Variants in CHD8 observed in about 807,000 individuals in gnomAD.
CHD8 encodes ATP-dependent chromatin remodeler CHD8.
A neutral mutation model predicts 279.2 loss-of-function variants in CHD8; 31 were observed. The observed-to-expected ratio is 0.11, with a 90% CI of 0.08 to 0.15. The LOEUF (loss-of-function observed/expected upper bound fraction) is 0.15. CHD8 is among the 10% of genes least tolerant of loss of function. The pLI is 1.00. For synonymous variants in CHD8, 1,081 were observed against 1,139.6 expected (o/e 0.95, Z 1.04); for missense variants, 2,146 against 3,230.5 (o/e 0.66, Z 8.14).
chr14:21,446,962 A>AT (rs1890137616), intron 1 of CHD8, among the ~76,000 whole-genome samples: 2 of 152,210 alleles, frequency 1.3e-5, no homozygotes, highest in Admixed American at 1.3e-4. Context: ...CCATTACAGT[A>AT]TTCCCTTGGC....
In CHD8 at chr14:21,393,740, G is replaced by A; in HGVS notation, c.6055C>T (p.Leu2019=). The A allele has an allele frequency of 6.2e-7, 1 of 1,613,942 alleles. No individual in the cohort carries two copies. Among genetic ancestry groups the A allele is most frequent in the Non-Finnish European group, 8.5e-7 (1 of 1,179,866 alleles). ...PEETATQVPS[L]ESLTLKLEHE... is the part of the protein sequence containing the mutation. ...TCTAGCTTTAAAGTCAGACTCTCCA[G>A]ACTGGGGACCTGGGTAGCTGTCTCC... The change falls in exon 32 of 38, where the codon CTG becomes TTG. Residue 2019 remains leucine, a synonymous_variant. Transcript: ENST00000646647.
Position 21,408,769 on chromosome 14 carries a change from G to A in CHD8, c.2421C>T (p.Asn807=). 1.2e-6 allele frequency: 2 copies of A among 1,610,160 alleles called. No individual in the cohort carries two copies. ...ACTGATATTCCCGTAGCTGGTTTCT[G>A]TTTTTATATTCATGTGATAGCTCCA... The part of the protein sequence containing the change: ...KKLELSHEYK[N]RNQLREYQLE... Residue 807 remains asparagine (N), a synonymous_variant, in exon 12 of 38, where the codon AAC becomes AAT. Coordinates refer to ENST00000646647, the MANE Select transcript of CHD8 (RefSeq NM_001170629.2). This position sits in a 1 kb window ranked among gnomAD's most constrained non-coding sequence, Gnocchi z 4.3.
Position 21,403,807 on chromosome 14 carries a change from G to T in CHD8, c.3308-144C>A. Reference sequence around the variant, plus strand: ...ACACACAGAATTTCAGCACAAAAAAGTCTTAAATCGGCTGGGTACGGTGGC... The same window carrying T: ...ACACACAGAATTTCAGCACAAAAAATTCTTAAATCGGCTGGGTACGGTGGC... On this transcript the variant is annotated intron_variant, in intron 16 of 37. Coordinates refer to ENST00000646647, the MANE Select transcript of CHD8 (RefSeq NM_001170629.2). The surrounding 1 kb of genome is among the most constrained non-coding windows in gnomAD (Gnocchi z 4.3). 1 of 765,774 alleles carries T rather than the reference G, an allele frequency of 1.3e-6. No individual in the cohort carries two copies. Among genetic ancestry groups the T allele is most frequent in the Non-Finnish European group, 2.1e-6 (1 of 477,376 alleles). 47.4% of individuals were successfully genotyped at this position (765,774 alleles called of 1,614,324 possible).
chr14:21,417,485 G>T (rs1001816883), intron 5 of CHD8, among the ~76,000 whole-genome samples: 8 of 152,268 alleles, frequency 5.3e-5, no homozygotes, highest in Middle Eastern at 3.4e-3. Flanking sequence ...GGAGACTGAG[G>T]TGGCAGGATC....
intron 1 of CHD8, among the ~76,000 whole-genome samples, chr14:21,444,704 T>A (rs7149281): frequency 0.15 from 22,687 of 150,428 alleles, 1,886 homozygotes; most frequent in African/African-American, 0.21. Flanking sequence ...ACCACTTTTT[T>A]AAAAAAAAAA....
At chr14:21,387,870 TATG>T (rs1206346749) in intron 37 of CHD8, among the ~76,000 whole-genome samples, 2 of 151,504 alleles carry the variant, frequency 1.3e-5, no homozygotes, top group African/African-American at 4.9e-5. Flanking sequence ...TGTGATTTTC[TATG>T]ATATTTCTTA....
chr14:21,395,071 G>A lies in CHD8; in HGVS notation c.5231C>T (p.Ala1744Val), dbSNP rs1324951422. ...PGHLFWPPGS[A>V]LTARLRRLVT... The stretch of plus-strand genomic sequence containing the variant: ...TAGACGCCGAAGCCTAGCTGTTAGG[G>A]CAGAGCCCGGAGGCCAGAATAAATG... Residue 1744 changes from alanine (A) to valine (V), a missense_variant, in exon 30 of 38, where the codon GCC becomes GTC. This residue lies in a region of CHD8 where 11 missense variants were observed against 35.6 expected (regional missense o/e 0.31). Coordinates refer to ENST00000646647, the MANE Select transcript of CHD8 (RefSeq NM_001170629.2). The A allele has an allele frequency of 6.2e-7, 1 of 1,614,012 alleles. No homozygotes were observed. Among genetic ancestry groups the A allele is most frequent in the African/African-American group, 1.3e-5 (1 of 75,048 alleles).
intron 26 of CHD8, 85 bp from the exon 27 acceptor site, chr14:21,398,037 T>C: frequency 8.0e-7 from 1 of 1,245,536 alleles, no homozygotes; most frequent in Non-Finnish European, 1.1e-6. Context: ...ATAATTAGAA[T>C]ATGTTCTATA....
intron 1 of CHD8, among the ~76,000 whole-genome samples, chr14:21,432,670 C>T (rs1321626238): frequency 6.6e-6 from 1 of 152,150 alleles, no homozygotes; most frequent in African/African-American, 2.4e-5. Context: ...ACGTCCTCTC[C>T]ATCCCAATGC....
Position 21,393,365 on chromosome 14 carries a change from A to G in CHD8, c.6319+111T>C, listed in dbSNP as rs902332506. ...GCCCAAAGAATGGCACTCTTTTGAC[A>G]TTTTATCAAATCAAAATCCAAATCT... On this transcript the variant is annotated intron_variant, in intron 32 of 37. Coordinates refer to ENST00000646647, the MANE Select transcript of CHD8 (RefSeq NM_001170629.2). 6 of 1,519,190 alleles carry G rather than the reference A, an allele frequency of 3.9e-6. No individual in the cohort carries two copies. In the African/African-American group the frequency reaches 4.2e-5, roughly 11 times the overall value. The allele number at this position is 1,519,190 out of a possible 1,614,324, so 94.1% of individuals were successfully genotyped here. A position where few individuals can be genotyped will look rare whatever the true frequency, so the allele number is the denominator to read the frequency against.
At position 21,386,106 on chromosome 14, in the gene CHD8, C is replaced by T. The variant is rs573063062; in HGVS notation, c.7253G>A (p.Arg2418Gln). Residue 2418 changes from arginine (R) to glutamine (Q), a missense_variant, in exon 38 of 38, where the codon CGG becomes CAG. By Grantham distance (43) the Arg-to-Gln change is conservative. Around this residue, in one of 26 missense-constraint regions of CHD8, gnomAD observed 336 missense variants for 392.9 expected, o/e 0.86. Transcript: ENST00000646647. ...GPIAPESSKK[R>Q]ARRMRPDLSK... ...AAGGTCTGGTCGCATCCTACGGGCC[C>T]GCTTCTTGCTGCTCTCTGGTGCAAT... 154 of 1,556,820 alleles carry T rather than the reference C, an allele frequency of 9.9e-5. No individual in the cohort carries two copies. The South Asian group carries it at 1.6e-3, about 16-fold the overall frequency.
chr14:21,423,246 T>C (rs1362585550), intron 5 of CHD8, among the ~76,000 whole-genome samples: 2 of 151,860 alleles, frequency 1.3e-5, no homozygotes, highest in African/African-American at 4.8e-5. Context: ...GAAAAATAAA[T>C]TTATTTCTCA....
intron 10 of CHD8, among the ~76,000 whole-genome samples, chr14:21,411,762 A>T (rs900441446): frequency 6.6e-6 from 1 of 152,218 alleles, no homozygotes; most frequent in Non-Finnish European, 1.5e-5. Context: ...CTAGATGACC[A>T]TTTGAAAATG....
intron 37 of CHD8, among the ~76,000 whole-genome samples, chr14:21,389,802 A>C (rs957743735): frequency 6.6e-6 from 1 of 152,228 alleles, no homozygotes; most frequent in Non-Finnish European, 1.5e-5. Context: ...GGACAAATTT[A>C]TTATGAATTA....
intron 1 of CHD8, among the ~76,000 whole-genome samples, chr14:21,446,642 ATAAC>A (rs1271738131): frequency 6.6e-6 from 1 of 152,234 alleles, no homozygotes; most frequent in East Asian, 1.9e-4. Flanking sequence ...CAAGACTAAA[ATAAC>A]TATCTCTATT....
chr14:21,392,064 A>C (rs746753327), intron 34 of CHD8, 118 bp from the exon 35 acceptor site: 56 of 801,366 alleles, frequency 7.0e-5, no homozygotes, highest in Admixed American at 2.9e-4. Context: ...GGTGAGAAGG[A>C]AGGCCATCTG....
In CHD8 at chr14:21,408,570, T is replaced by TG. The variant is rs776161094; in HGVS notation, c.2487-16dup. Reference sequence around the variant, plus strand: ...TGCAGTTCTGCCTGCAGATTCACCATGGGAAAAAAAAAATGTTAAAAGATA... The same window carrying TG: ...TGCAGTTCTGCCTGCAGATTCACCATGGGGAAAAAAAAAATGTTAAAAGATA... On this transcript the variant is annotated splice_polypyrimidine_tract_variant and intron_variant, in intron 12 of 37. Coordinates refer to ENST00000646647, the MANE Select transcript of CHD8 (RefSeq NM_001170629.2). This position sits in a 1 kb window ranked among gnomAD's most constrained non-coding sequence, Gnocchi z 4.3. 6 of 1,590,842 alleles carry TG rather than the reference T, an allele frequency of 3.8e-6. No homozygotes were observed. The highest frequency in any genetic ancestry group is 3.6e-5 in the Admixed American group (2 of 55,406).
At chr14:21,425,250 C>T (rs1364096015) in intron 5 of CHD8, 1 of 151,534 alleles carries the variant, frequency 6.6e-6, no homozygotes, top group Non-Finnish European at 1.5e-5. Context: ...ACCAGAAGGG[C>T]AATCAAGCAG....
chr14:21,396,023 G>T (rs1336809202), intron 27 of CHD8, 131 bp from the exon 28 acceptor site: 6 of 673,078 alleles, frequency 8.9e-6, no homozygotes, highest in Non-Finnish European at 1.6e-5. Context: ...TTTGAGACAG[G>T]TCTCACTCTG....
Sources: allele counts gnomAD v4.1 joint callset (sites outside exome capture counted in the v4.1 genomes callset), GRCh38; gene constraint gnomAD v4.1.1; regional missense constraint gnomAD v4.1.1; non-coding constraint Gnocchi (gnomAD v3.1); transcripts MANE v1.5; gene names NCBI Gene and HGNC (gene_info 2026-07-23, HGNC 2026-07-21).